The following PIBF1 variants were observed in gnomAD, a reference collection of about 807,000 sequenced individuals.
PIBF1 encodes the protein progesterone-induced-blocking factor 1.
A neutral mutation model predicts 112.5 loss-of-function variants in PIBF1; 90 were observed. That is an observed-to-expected ratio of 0.80 (90% CI 0.67 to 0.95). PIBF1 has a LOEUF of 0.95. Ranked by LOEUF, PIBF1 falls within the 40% of genes least tolerant of loss-of-function variation. The pLI is 0.00. For missense variants in PIBF1, 915 were observed against 852.3 expected (o/e 1.07, Z -0.92); for synonymous variants, 301 against 288.6 (o/e 1.04, Z -0.44).
chr13:72,879,430 G>T (rs1223807567), intron 10 of PIBF1, among the ~76,000 whole-genome samples: 3 of 151,458 alleles, frequency 2.0e-5, no homozygotes, highest in Non-Finnish European at 4.4e-5. Flanking sequence ...CAATTTTAAG[G>T]TAGAGAGGAG....
chr13:72,927,948 T>TATATATATAC (rs2041545328), intron 13 of PIBF1, among the ~76,000 whole-genome samples: 1 of 65,554 alleles, frequency 1.5e-5, no homozygotes, highest in Admixed American at 1.7e-4. Context: ...TATGTGTGTA[T>TATATATATAC]ATATATATAT....
intron 10 of PIBF1, among the ~76,000 whole-genome samples, chr13:72,858,664 T>A (rs2038554206): frequency 6.6e-6 from 1 of 152,224 alleles, no homozygotes; most frequent in Admixed American, 6.5e-5. Context: ...ATGTACCCTC[T>A]TTTGTACCTC....
chr13:72,859,743 A>T (rs2038608614), intron 10 of PIBF1, among the ~76,000 whole-genome samples: 1 of 152,158 alleles, frequency 6.6e-6, no homozygotes, highest in Non-Finnish European at 1.5e-5. Flanking sequence ...TTCAATATGG[A>T]GATATTATCC....
intron 14 of PIBF1, among the ~76,000 whole-genome samples, chr13:72,937,579 A>G (rs2041903901): frequency 6.6e-6 from 1 of 152,098 alleles, no homozygotes; most frequent in South Asian, 2.1e-4. Flanking sequence ...TAGCACTTTG[A>G]GAGGCTGAGA....
At chr13:72,861,031 C>T (rs1477023058) in intron 10 of PIBF1, among the ~76,000 whole-genome samples, 1 of 152,110 alleles carries the variant, frequency 6.6e-6, no homozygotes. Flanking sequence ...CTGTTACATT[C>T]GTGGGCTACT....
At chr13:72,884,819 A>G (rs1187870505) in intron 10 of PIBF1, 3 of 152,166 alleles carry the variant, frequency 2.0e-5, no homozygotes, top group Non-Finnish European at 4.4e-5. Flanking sequence ...ATCCCAAGAT[A>G]GAATTTAACA....
At chr13:72,982,049 G>C (rs2043170008) in intron 16 of PIBF1, among the ~76,000 whole-genome samples, 1 of 152,184 alleles carries the variant, frequency 6.6e-6, no homozygotes, top group South Asian at 2.1e-4. Context: ...GGTTCTGTGA[G>C]AATTAATATA....
At chr13:72,950,951 C>A (rs916757655) in intron 14 of PIBF1, among the ~76,000 whole-genome samples, 1 of 152,162 alleles carries the variant, frequency 6.6e-6, no homozygotes, top group Non-Finnish European at 1.5e-5. Context: ...AAAGTGAGTG[C>A]CGTGGTTTTT....
At chr13:72,837,666 ACTTC>A (rs2037419532) in intron 9 of PIBF1, among the ~76,000 whole-genome samples, 1 of 152,026 alleles carries the variant, frequency 6.6e-6, no homozygotes, top group Admixed American at 6.6e-5. Flanking sequence ...TATGCTAATA[ACTTC>A]CTTGCTTCTC....
intron 13 of PIBF1, among the ~76,000 whole-genome samples, chr13:72,929,835 T>A (rs2041646903): frequency 6.6e-6 from 1 of 152,094 alleles, no homozygotes; most frequent in Non-Finnish European, 1.5e-5. Context: ...GAAATAGATA[T>A]ATAGAATGAT....
At chr13:72,987,843 TTTATTTATTTATTTA>T (rs2043342375) in intron 16 of PIBF1, among the ~76,000 whole-genome samples, 1 of 86,756 alleles carries the variant, frequency 1.2e-5, no homozygotes, top group East Asian at 3.3e-4. Flanking sequence ...TTGTAATTTA[TTTATTTATTTATTTA>T]TTTTTTTTTT....
chr13:73,008,575 T>A (rs1594362397), intron 17 of PIBF1, among the ~76,000 whole-genome samples: 1 of 152,172 alleles, frequency 6.6e-6, no homozygotes, highest in South Asian at 2.1e-4. Context: ...GCAGTAGAGA[T>A]ATAAATAATT....
intron 10 of PIBF1, chr13:72,881,184 A>G (rs1486532308): frequency 6.6e-6 from 1 of 151,490 alleles, no homozygotes; most frequent in African/African-American, 2.4e-5. Context: ...TATCATTCCA[A>G]TTTGAATATA....
At chr13:72,886,437 C>CAGTGTTATAAAGTTTTTATA (rs1566405701) in intron 10 of PIBF1, among the ~76,000 whole-genome samples, 3 of 151,570 alleles carry the variant, frequency 2.0e-5, no homozygotes, top group African/African-American at 7.3e-5. Context: ...GTTTTTATAA[C>CAGTGTTATAAAGTTTTTATA]ACTGTTATAA....
intron 10 of PIBF1, among the ~76,000 whole-genome samples, chr13:72,855,793 A>G (rs985921986): frequency 3.3e-5 from 5 of 152,176 alleles, no homozygotes; most frequent in Admixed American, 2.0e-4. Flanking sequence ...TTACAAAACT[A>G]TATGATGTCC....
chr13:72,937,114 T>C (rs1347980628), intron 14 of PIBF1, among the ~76,000 whole-genome samples: 1 of 152,172 alleles, frequency 6.6e-6, no homozygotes, highest in African/African-American at 2.4e-5. Context: ...TGACAAAATA[T>C]GATTTTCAAT....
Position 72,827,771 on chromosome 13 carries a change from G to T in PIBF1, c.954G>T (p.Lys318Asn). 6.3e-7 allele frequency: 1 copy of T among 1,597,070 alleles called. No homozygotes were observed. Among genetic ancestry groups the T allele is most frequent in the South Asian group, 1.2e-5 (1 of 86,808 alleles). ...TLEQTVTLLQ[K>N]DKEYLNRQNM... ...AGCAAACTGTTACTTTACTGCAAAA[G>T]GATAAAGAATATCTTAATCGCCAAA... The change falls in exon 8 of 18, where the codon AAG (lysine) becomes AAT (asparagine). Residue 318 changes from lysine to asparagine, a missense_variant. Transcript: ENST00000326291.
intron 11 of PIBF1, among the ~76,000 whole-genome samples, chr13:72,898,835 C>T (rs990886986): frequency 1.0e-4 from 15 of 142,930 alleles, no homozygotes; most frequent in South Asian, 2.2e-4. Context: ...GCAACAAGAG[C>T]GAAACTCCAT....
intron 15 of PIBF1, among the ~76,000 whole-genome samples, chr13:72,967,080 C>T (rs1252273289): frequency 1.3e-5 from 2 of 151,828 alleles, no homozygotes; most frequent in Non-Finnish European, 2.9e-5. Context: ...GGATTACAGG[C>T]ACACGCTGCC....
Sources: gnomAD v4.1 joint callset for allele counts (sites outside exome capture counted in the v4.1 genomes callset) on GRCh38, gnomAD v4.1.1 for gene constraint, MANE v1.5 for transcripts, NCBI Gene and HGNC (gene_info 2026-07-23, HGNC 2026-07-21) for gene names.